Variants in SYNJ1 observed in about 807,000 individuals in gnomAD.
The protein encoded by SYNJ1 is polyphosphatidylinositol phosphatase SYNJ1.
A neutral mutation model predicts 168.2 loss-of-function variants in SYNJ1; 78 were observed. The ratio of observed to expected loss-of-function variants is 0.46; its 90% CI spans 0.39 to 0.56. The LOEUF (loss-of-function observed/expected upper bound fraction) is 0.56. Among genes scored for constraint, SYNJ1 ranks in the 20% least tolerant of loss-of-function variants. The pLI is 0.00. For synonymous variants in SYNJ1, 539 were observed against 548.6 expected (o/e 0.98, Z 0.24); for missense variants, 1,303 against 1,597.6 (o/e 0.82, Z 3.14).
Position 32,656,853 on chromosome 21 carries a change from C to T in SYNJ1, c.2629G>A (p.Glu877Lys), listed in dbSNP as rs200383173. 11 of 1,614,062 alleles carry T rather than the reference C, an allele frequency of 6.8e-6. No individual in the cohort carries two copies. Among genetic ancestry groups the T allele is most frequent in the Non-Finnish European group, 9.3e-6 (11 of 1,180,040 alleles). ...ACTTCTTTATAAATGTTTTGCCTCT[C>T]TTCAGCTTCAACTTCAAATATATCT... ...DIDIFEVEAE[E>K]RQNIYKEVIA... Residue 877 changes from glutamate (E) to lysine (K), a missense_variant, in exon 21 of 33, where the codon GAG becomes AAG. Around this residue, in one of 2 missense-constraint regions of SYNJ1, gnomAD observed 920 missense variants for 1,208.8 expected, o/e 0.76. Transcript: ENST00000674351.
rs184958436 is a variant in SYNJ1, at chr21:32,656,582, G to A, written c.2795+105C>T. Reference sequence around the variant, plus strand: ...CATATACTAAACACTAAATAAGGTGGTATCTTTCTTTTTTAAAATTCTCTC... The same window carrying A: ...CATATACTAAACACTAAATAAGGTGATATCTTTCTTTTTTAAAATTCTCTC... On this transcript the variant is annotated intron_variant, in intron 21 of 32. Transcript: ENST00000674351. The A allele has an allele frequency of 3.6e-5, 33 of 907,722 alleles. 1 individual carries two copies. The Admixed American group carries it at 7.9e-4, about 22-fold the overall frequency. The allele number at this position is 907,722 out of a possible 1,614,324, so 56.2% of individuals were successfully genotyped here. A position where few individuals can be genotyped will look rare whatever the true frequency, so the allele number is the denominator to read the frequency against.
In SYNJ1 at chr21:32,695,110, C is replaced by T. The variant is rs2146173743; in HGVS notation, c.652G>A (p.Val218Ile). Residue 218 changes from valine to isoleucine, a missense_variant, in exon 5 of 33, where the codon GTC becomes ATC. This residue lies in a region of SYNJ1 where 920 missense variants were observed against 1,208.8 expected (regional missense o/e 0.76). Transcript: ENST00000674351. The stretch of plus-strand genomic sequence containing the variant: ...TGACCATCATCATTTGTTCCCCGGA[C>T]ATTAAACCTGGTCCCAGCTCGTTCA... ...SCERAGTRFN[V>I]RGTNDDGHVA... is the part of the protein sequence containing the mutation. 1.2e-6 allele frequency: 2 copies of T among 1,614,148 alleles called. No homozygotes were observed. Among genetic ancestry groups the T allele is most frequent in the Non-Finnish European group, 1.7e-6 (2 of 1,180,012 alleles).
rs75016781 is a variant in SYNJ1 at position 32,672,766 on chromosome 21, T to G, written c.1726+574A>C. On this transcript the variant is annotated intron_variant, in intron 14 of 32. Coordinates refer to ENST00000674351, the MANE Select transcript of SYNJ1 (RefSeq NM_203446.3). ...AGGATAAACCAGTGCTCTTAAGTTA[T>G]TACATAAGTACCAATAAATATCACA... Among the ~76,000 whole-genome samples the G allele has an allele frequency of 9.2e-5, 14 of 152,306 alleles. No individual in the cohort carries two copies. The East Asian group carries it at 2.7e-3, about 29-fold the overall frequency.
intron 18 of SYNJ1, among the ~76,000 whole-genome samples, chr21:32,663,255 A>C (rs922771245): frequency 6.6e-6 from 1 of 152,184 alleles, no homozygotes; most frequent in African/African-American, 2.4e-5. Context: ...CAATTATTGG[A>C]CAATATTGCA....
intron 11 of SYNJ1, 95 bp downstream of exon 11, chr21:32,681,401 T>C: frequency 7.3e-7 from 1 of 1,376,534 alleles, no homozygotes; most frequent in Non-Finnish European, 9.8e-7. Context: ...TCTATTAATT[T>C]AAACCATCTA....
chr21:32,638,296 G>A (rs1292202144), intron 31 of SYNJ1, among the ~76,000 whole-genome samples: 1 of 152,170 alleles, frequency 6.6e-6, no homozygotes, highest in African/African-American at 2.4e-5. Flanking sequence ...GAACTTGCAG[G>A]CTCAAGGGAT....
At chr21:32,724,461 C>T (rs1416041925) in intron 2 of SYNJ1, among the ~76,000 whole-genome samples, 1 of 152,174 alleles carries the variant, frequency 6.6e-6, no homozygotes, top group Non-Finnish European at 1.5e-5. Flanking sequence ...GCACTCCAGC[C>T]TGGGCAACAG....
Position 32,629,731 on chromosome 21 carries a change from T to C in SYNJ1, c.*2074A>G, listed in dbSNP as rs572398251. ...AACTATTGCTCAAGGAGTTTTCTGA[T>C]TGGTTTACTTAATGATATCAAAATA... is the stretch of plus-strand genomic sequence containing the variant. On this transcript the variant is annotated 3_prime_UTR_variant, in exon 33 of 33. Coordinates refer to ENST00000674351, the MANE Select transcript of SYNJ1 (RefSeq NM_203446.3). 1.3e-5 allele frequency: 2 copies of C among 152,426 alleles called. No homozygotes were observed. The highest frequency in any genetic ancestry group is 2.1e-4 in the South Asian group (1 of 4,828). The allele number at this position is 152,426 out of a possible 1,614,324, so 9.4% of individuals were successfully genotyped here. A position where few individuals can be genotyped will look rare whatever the true frequency, so the allele number is the denominator to read the frequency against.
At chr21:32,678,557 C>A in intron 12 of SYNJ1, 88 bp downstream of exon 12, 1 of 1,365,966 alleles carries the variant, frequency 7.3e-7, no homozygotes, top group South Asian at 1.7e-5. Flanking sequence ...CTATTTTAAC[C>A]AACTAAAAAT....
At chr21:32,690,482 T>G (rs553240791) in intron 6 of SYNJ1, among the ~76,000 whole-genome samples, 53 of 152,298 alleles carry the variant, frequency 3.5e-4, no homozygotes, top group African/African-American at 1.3e-3. Context: ...AGACTAGGTT[T>G]TATTACTCAA....
At chr21:32,727,124 C>A (rs574641725) in intron 1 of SYNJ1, among the ~76,000 whole-genome samples, 1 of 152,266 alleles carries the variant, frequency 6.6e-6, no homozygotes, top group East Asian at 1.9e-4. Context: ...GCTATCAATT[C>A]TCATACCAAG....
At chr21:32,668,915 G>A (rs1569069317) in intron 15 of SYNJ1, among the ~76,000 whole-genome samples, 3 of 152,086 alleles carry the variant, frequency 2.0e-5, no homozygotes. Flanking sequence ...GGGTAAAAGT[G>A]CTGGTGCTTT....
At chr21:32,678,541 CA>C (rs2041500597) in intron 12 of SYNJ1, 103 bp downstream of exon 12, 1 of 1,283,096 alleles carries the variant, frequency 7.8e-7, no homozygotes, top group South Asian at 1.8e-5. Flanking sequence ...GAAATCCCTT[CA>C]AAAACTATTT....
chr21:32,695,268 T>C lies in SYNJ1; in HGVS notation c.494A>G (p.His165Arg), dbSNP rs2042161467. Residue 165 changes from histidine to arginine, a missense_variant, in exon 5 of 33, where the codon CAT (histidine) becomes CGT (arginine). Around this residue, in one of 2 missense-constraint regions of SYNJ1, gnomAD observed 920 missense variants for 1,208.8 expected, o/e 0.76. Transcript: ENST00000674351. ...DNRFFWNQSLHLHLKHYGVNC... is the reference protein window; with the variant it reads ...DNRFFWNQSLRLHLKHYGVNC... ...CACGCCATAGTGTTTGAGATGCAAA[T>C]GCAAAGACTGATTCCTAATAGGAAA... 3.1e-6 allele frequency: 5 copies of C among 1,613,776 alleles called. No homozygotes were observed. The South Asian group carries it at 4.4e-5, about 14-fold the overall frequency.
chr21:32,720,957 TGACA>T (rs2043197927), intron 2 of SYNJ1, among the ~76,000 whole-genome samples: 1 of 152,266 alleles, frequency 6.6e-6, no homozygotes, highest in African/African-American at 2.4e-5. Context: ...TATGTCAGAC[TGACA>T]GCTTGTCCTT....
At position 32,641,889 on chromosome 21, in the gene SYNJ1, T is replaced by C. The variant is rs990106590; in HGVS notation, c.3588+7A>G. The C allele has an allele frequency of 6.2e-7, 1 of 1,606,724 alleles. No homozygotes were observed. The highest frequency in any genetic ancestry group is 8.5e-7 in the Non-Finnish European group (1 of 1,176,240). On this transcript the variant is annotated splice_region_variant and intron_variant, in intron 29 of 32. Coordinates refer to ENST00000674351, the MANE Select transcript of SYNJ1 (RefSeq NM_203446.3). ...GACCCCTTGGCCCCAGGCGAGGTTT[T>C]ACCTACCGGTCTGGCTGTACTGTAT... is the stretch of plus-strand genomic sequence containing the variant.
intron 5 of SYNJ1, 21 bp from the exon 6 acceptor site, chr21:32,694,332 T>C (rs1175194633): frequency 6.6e-7 from 1 of 1,521,774 alleles, no homozygotes; most frequent in Non-Finnish European, 8.8e-7. Context: ...AAAAATAATA[T>C]GTAAACTATT....
At chr21:32,707,877 C>T (rs776878007) in intron 2 of SYNJ1, among the ~76,000 whole-genome samples, 13 of 151,980 alleles carry the variant, frequency 8.6e-5, no homozygotes, top group African/African-American at 2.9e-4. Flanking sequence ...ATTAGGTGGG[C>T]GTGATGATGC....
At chr21:32,666,929 A>C (rs1465696388) in intron 15 of SYNJ1, among the ~76,000 whole-genome samples, 2 of 152,222 alleles carry the variant, frequency 1.3e-5, no homozygotes, top group African/African-American at 4.8e-5. Flanking sequence ...CATGATACCA[A>C]AATCCAAGGA....
Sources: allele counts gnomAD v4.1 joint callset (sites outside exome capture counted in the v4.1 genomes callset), GRCh38; gene constraint gnomAD v4.1.1; regional missense constraint gnomAD v4.1.1; transcripts MANE v1.5; gene names NCBI Gene and HGNC (gene_info 2026-07-23, HGNC 2026-07-21).